Variants in SVOP observed in about 807,000 individuals in gnomAD.
SVOP encodes SV2 related protein, also known as synaptic vesicle 2-related protein.
In SVOP, 17 loss-of-function variants were observed where a neutral mutation model predicts 69.1. That is an observed-to-expected ratio of 0.25 (90% CI 0.17 to 0.37). The LOEUF is 0.37. Ranked by LOEUF, SVOP falls within the 10% of genes least tolerant of loss-of-function variation. The probability of loss-of-function intolerance (pLI) is 1.00; values close to 1 mark genes in which losing one functional copy is unlikely to be tolerated. For synonymous variants in SVOP, 238 were observed against 238.6 expected, an observed-to-expected ratio of 1.00 and a Z score of 0.02; for missense variants, 435 against 597.5, an observed-to-expected ratio of 0.73 and a Z score of 2.84.
At chr12:108,974,202 T>G (rs147520654) in intron 4 of SVOP, among the ~76,000 whole-genome samples, 100,925 of 151,798 alleles carry the variant, frequency 0.66, 34,092 homozygotes, top group East Asian at 0.79. Flanking sequence ...ACAGACCTGG[T>G]GCTGAACCCT....
chr12:109,016,259 C>T (rs754269576), intron 1 of SVOP, among the ~76,000 whole-genome samples: 7 of 152,176 alleles, frequency 4.6e-5, no homozygotes, highest in African/African-American at 7.2e-5. Flanking sequence ...CAGATAGGGC[C>T]GGAGCCAGAG....
At chr12:109,001,032 G>T (rs1217073431) in intron 1 of SVOP, among the ~76,000 whole-genome samples, 2 of 151,954 alleles carry the variant, frequency 1.3e-5, no homozygotes, top group African/African-American at 4.8e-5. Context: ...GTCCCTGTTT[G>T]CAGACGACAT....
intron 1 of SVOP, among the ~76,000 whole-genome samples, chr12:109,006,697 G>C (rs1593208119): frequency 1.3e-5 from 2 of 152,162 alleles, no homozygotes; most frequent in Non-Finnish European, 2.9e-5. Context: ...GGGGTGATGA[G>C]GGCAGGTAGA....
chr12:108,934,183 C>A lies in SVOP; in HGVS notation c.1048+12G>T. On this transcript the variant is annotated intron_variant, in intron 11 of 15. Coordinates refer to ENST00000610966, the MANE Select transcript of SVOP (RefSeq NM_018711.5). ...GGAGTAGTTAGCTGGCAAAGACAAC[C>A]AAGATACTCACTGCCGCAGACATCT... The A allele has an allele frequency of 6.3e-7, 1 of 1,594,202 alleles. No individual in the cohort carries two copies. The highest frequency in any genetic ancestry group is 8.5e-7 in the Non-Finnish European group (1 of 1,170,344).
At chr12:108,945,269 A>T in intron 6 of SVOP, 103 bp from the exon 7 acceptor site, 3 of 1,069,222 alleles carry the variant, frequency 2.8e-6, no homozygotes, top group Non-Finnish European at 4.1e-6. Context: ...AAGGGTGGTC[A>T]GTGAACCACT....
chr12:108,935,727 T>C (rs2039852480), intron 10 of SVOP, among the ~76,000 whole-genome samples: 1 of 152,208 alleles, frequency 6.6e-6, no homozygotes, highest in Non-Finnish European at 1.5e-5. Context: ...TTTTGTTCAC[T>C]ATTAATGCTG....
At chr12:108,922,634 A>G in intron 12 of SVOP, 56 bp downstream of exon 12, 1 of 1,331,140 alleles carries the variant, frequency 7.5e-7, no homozygotes, top group Non-Finnish European at 1.1e-6. Flanking sequence ...CCAGCTGAAC[A>G]ATTGCCATAT....
chr12:108,948,784 C>G lies in SVOP; in HGVS notation c.579-3618G>C, dbSNP rs556399135. 2.6e-5 allele frequency among the ~76,000 whole-genome samples: 4 copies of G among 152,232 alleles called. No homozygotes were observed. In the South Asian group the frequency reaches 8.3e-4, roughly 32 times the overall value. On this transcript the variant is annotated intron_variant, in intron 6 of 15. Coordinates refer to ENST00000610966, the MANE Select transcript of SVOP (RefSeq NM_018711.5). Reference sequence around the variant, plus strand: ...TTTATATTCCTTTCAGTACCTCACTCAACAAAAACCATGGGGAATTTCATA... The same window carrying G: ...TTTATATTCCTTTCAGTACCTCACTGAACAAAAACCATGGGGAATTTCATA...
At chr12:108,952,980 G>A (rs1339208159) in intron 6 of SVOP, among the ~76,000 whole-genome samples, 1 of 152,048 alleles carries the variant, frequency 6.6e-6, no homozygotes, top group East Asian at 1.9e-4. Context: ...GTTAGTCTGA[G>A]CAGAACATTT....
At chr12:108,944,888 C>T (rs532136422) in intron 7 of SVOP, among the ~76,000 whole-genome samples, 97 of 152,138 alleles carry the variant, frequency 6.4e-4, no homozygotes, top group African/African-American at 2.2e-3. Context: ...TTTTGAGGGA[C>T]GATAGATTGA....
chr12:108,929,287 A>C (rs11114103), intron 11 of SVOP, among the ~76,000 whole-genome samples: 3,981 of 152,204 alleles, frequency 0.026, 185 homozygotes, highest in African/African-American at 0.091. Flanking sequence ...AGTCCTTTTT[A>C]AATATTTATT....
chr12:108,969,853 G>T (rs1316084145), intron 5 of SVOP, among the ~76,000 whole-genome samples: 1 of 152,124 alleles, frequency 6.6e-6, no homozygotes, highest in Non-Finnish European at 1.5e-5. Flanking sequence ...AATCTAAGGA[G>T]CTGCCACTGA....
rs369350922 is a variant in SVOP at position 108,925,016 on chromosome 12, CTT to C, written c.1049-2221_1049-2220del. Among the ~76,000 whole-genome samples, 654 of 147,454 alleles carry C rather than the reference CTT, an allele frequency of 4.4e-3. 7 individuals carry two copies. The highest frequency in any genetic ancestry group is 0.015 in the African/African-American group (612 of 40,346). Reference sequence around the variant, plus strand: ...ACCTCAAGTTTTTGAAAAAGCCTTCCTTTTTTTTTTTACCAATTACAAATCAA... The same window carrying C: ...ACCTCAAGTTTTTGAAAAAGCCTTCCTTTTTTTTTACCAATTACAAATCAA... On this transcript the variant is annotated intron_variant, in intron 11 of 15. Coordinates refer to ENST00000610966, the MANE Select transcript of SVOP (RefSeq NM_018711.5).
intron 1 of SVOP, among the ~76,000 whole-genome samples, chr12:108,996,657 ATCGTGGC>A (rs1472500861): frequency 6.6e-6 from 1 of 152,132 alleles, no homozygotes; most frequent in African/African-American, 2.4e-5. Flanking sequence ...TTGGCCAGGC[ATCGTGGC>A]TCATACCTAT....
chr12:108,974,788 C>A (rs1264287791), intron 4 of SVOP, among the ~76,000 whole-genome samples: 1 of 151,622 alleles, frequency 6.6e-6, no homozygotes, highest in Non-Finnish European at 1.5e-5. Flanking sequence ...ATACCAGTTC[C>A]AAGAAAAAAG....
At chr12:108,971,428 C>CA (rs563114992) in intron 5 of SVOP, among the ~76,000 whole-genome samples, 8,716 of 141,904 alleles carry the variant, frequency 0.061, 315 homozygotes, top group Middle Eastern at 0.12. Context: ...GACTCCGTCT[C>CA]AAAAAAAAAA....
At chr12:108,977,058 T>C (rs895021195) in intron 4 of SVOP, among the ~76,000 whole-genome samples, 6 of 152,234 alleles carry the variant, frequency 3.9e-5, no homozygotes, top group Admixed American at 3.3e-4. Context: ...CTGTGTTGTT[T>C]CCAGTCCTCA....
chr12:108,965,522 G>A (rs1022569029), intron 5 of SVOP, among the ~76,000 whole-genome samples: 2 of 152,116 alleles, frequency 1.3e-5, no homozygotes, highest in African/African-American at 4.8e-5. Flanking sequence ...TGGGTTCCAG[G>A]CCTCCAGATT....
chr12:108,939,024 A>G, intron 8 of SVOP, 69 bp from the exon 9 acceptor site: 6 of 1,608,072 alleles, frequency 3.7e-6, no homozygotes, highest in Non-Finnish European at 5.1e-6. Context: ...GCTTCTAGCC[A>G]CACAGTGTTG....
Sources: gnomAD v4.1 joint callset for allele counts (sites outside exome capture counted in the v4.1 genomes callset) on GRCh38, gnomAD v4.1.1 for gene constraint, MANE v1.5 for transcripts, NCBI Gene and HGNC (gene_info 2026-07-23, HGNC 2026-07-21) for gene names.